AP5B1: variants seen among roughly 807,000 people sequenced by gnomAD.
The protein encoded by AP5B1 is adaptor related protein complex 5 subunit beta 1.
Under a neutral mutation model 5.7 loss-of-function variants are expected in AP5B1, and 3 were observed. The ratio of observed to expected loss-of-function variants is 0.53; its 90% CI spans 0.24 to 1.36. AP5B1 has a LOEUF of 1.36. Among genes scored for constraint, AP5B1 ranks in the 40% most tolerant of loss-of-function variants. The probability of loss-of-function intolerance (pLI) is 0.17; values close to 1 mark genes in which losing one functional copy is unlikely to be tolerated. For synonymous variants in AP5B1, 696 were observed against 555.5 expected (o/e 1.25, Z -3.56); for missense variants, 1,310 against 1,143.2 (o/e 1.15, Z -2.10).
At position 65,780,238 on chromosome 11, in the gene AP5B1, TAGG is replaced by T; in HGVS notation, c.252_254del (p.Leu85del). On this transcript the variant is annotated inframe_deletion, in exon 2 of 2. Coordinates refer to ENST00000532090, the MANE Select transcript of AP5B1 (RefSeq NM_138368.5). Reference sequence around the variant, plus strand: ...GACGGAGAGCTGAGGGCCGCGGGGGTAGGAGGACCAAGGTGTCCAACAGGGAGG... The same window carrying T: ...GACGGAGAGCTGAGGGCCGCGGGGGTAGGACCAAGGTGTCCAACAGGGAGG... 1 of 1,511,770 alleles carries T rather than the reference TAGG, an allele frequency of 6.6e-7. No homozygotes were observed. Among genetic ancestry groups the T allele is most frequent in the South Asian group, 1.3e-5 (1 of 77,694 alleles). The allele number at this position is 1,511,770 out of a possible 1,614,324, so 93.6% of individuals were successfully genotyped here.
Position 65,778,996 on chromosome 11 carries a change from C to G in AP5B1, c.1497G>C (p.Met499Ile). ...AGAGGTCCACAAAGTGGGGAGCCAG[C>G]ATGGGCCGGGCTTGGTACAGCTGGG... ...GLAQLYQARP[M>I]LAPHFVDLLD... The change falls in exon 2 of 2, where the codon ATG becomes ATC. Residue 499 changes from methionine to isoleucine, a missense_variant. Transcript: ENST00000532090. 4 of 1,611,548 alleles carry G rather than the reference C, an allele frequency of 2.5e-6. No individual in the cohort carries two copies. Among genetic ancestry groups the G allele is most frequent in the Admixed American group, 3.3e-5 (2 of 59,882 alleles).
At position 65,779,955 on chromosome 11, in the gene AP5B1, C is replaced by T; in HGVS notation, c.538G>A (p.Gly180Ser). 1.3e-6 allele frequency: 2 copies of T among 1,589,812 alleles called. No homozygotes were observed. Among genetic ancestry groups the T allele is most frequent in the African/African-American group, 1.3e-5 (1 of 74,346 alleles). Residue 180 changes from glycine to serine, a missense_variant, in exon 2 of 2, where the codon GGC (glycine) becomes AGC (serine). Gly to Ser is a moderately conservative substitution (Grantham distance 56). Transcript: ENST00000532090. Reference protein sequence around the residue: ...GLLRGLLGQEGPVQPLSLLLA... With the variant: ...GLLRGLLGQESPVQPLSLLLA... ...AACAGGCTGAGTGGCTGGACAGGGC[C>T]TTCCTGCCCCAGCAGGCCCCGCAGC...
Position 65,777,946 on chromosome 11 carries a change from T to G in AP5B1, c.2547A>C (p.Ala849=), listed in dbSNP as rs1284985435. The change falls in exon 2 of 2, where the codon GCA becomes GCC. Residue 849 remains alanine (A), a synonymous_variant. Coordinates refer to ENST00000532090, the MANE Select transcript of AP5B1 (RefSeq NM_138368.5). ...TCCGCAGGGCCACAGGCACTCCATC[T>G]GCCAGGGCCGCCTCCAGCCGCAGCA... The part of the protein sequence containing the change: ...KLLLRLEAAL[A]DGVPVALRTD... 1.3e-6 allele frequency: 2 copies of G among 1,577,324 alleles called. No homozygotes were observed. Among genetic ancestry groups the G allele is most frequent in the Admixed American group, 3.7e-5 (2 of 53,382 alleles).
At position 65,776,615 on chromosome 11, in the gene AP5B1, C is replaced by T. The variant is rs751604829; in HGVS notation, c.*1241G>A. On this transcript the variant is annotated 3_prime_UTR_variant, in exon 2 of 2. Coordinates refer to ENST00000532090, the MANE Select transcript of AP5B1 (RefSeq NM_138368.5). ...TAGTTCTTCTTACCTGGGAAGATTC[C>T]TAAGCACAAATTAGGTTTCTTAGGG... 31 of 152,320 alleles carry T rather than the reference C, an allele frequency of 2.0e-4. No homozygotes were observed. The highest frequency in any genetic ancestry group is 7.8e-4 in the Admixed American group (12 of 15,312). The allele number at this position is 152,320 out of a possible 1,614,324, so 9.4% of individuals were successfully genotyped here.
At position 65,778,980 on chromosome 11, in the gene AP5B1, C is replaced by G. The variant is rs1422552305; in HGVS notation, c.1513G>C (p.Val505Leu). The G allele has an allele frequency of 6.2e-7, 1 of 1,612,574 alleles. No homozygotes were observed. The change falls in exon 2 of 2, where the codon GTG becomes CTG. Residue 505 changes from valine (V) to leucine (L), a missense_variant. By Grantham distance (32) the Val-to-Leu change is conservative. Transcript: ENST00000532090. ...QARPMLAPHF[V>L]DLLDQVDSEL... ...GAGTCCACCTGATCCAAGAGGTCCA[C>G]AAAGTGGGGAGCCAGCATGGGCCGG...
chr11:65,780,380 T>C, intron 1 of AP5B1, 38 bp from the exon 2 acceptor site: 1 of 1,462,950 alleles, frequency 6.8e-7, no homozygotes, highest in Non-Finnish European at 9.0e-7. Flanking sequence ...GAAGATGAGG[T>C]TCATGACGCG....
chr11:65,779,244 G>T lies in AP5B1; in HGVS notation c.1249C>A (p.His417Asn), dbSNP rs762698353. 6.3e-7 allele frequency: 1 copy of T among 1,594,632 alleles called. No homozygotes were observed. Among genetic ancestry groups the T allele is most frequent in the African/African-American group, 1.3e-5 (1 of 74,540 alleles). Reference protein sequence around the residue: ...HDPMALLARLHLLCLLCAEEE... With the variant: ...HDPMALLARLNLLCLLCAEEE... Reference sequence around the variant, plus strand: ...TCGGCACAGAGCAGGCACAGTAAATGCAGGCGGGCCAGGAGGGCCATTGGG... The same window carrying T: ...TCGGCACAGAGCAGGCACAGTAAATTCAGGCGGGCCAGGAGGGCCATTGGG... The change falls in exon 2 of 2, where the codon CAT becomes AAT. Residue 417 changes from histidine (H) to asparagine (N), a missense_variant. Physicochemically the swap from His to Asn is moderately conservative, Grantham distance 68. Coordinates refer to ENST00000532090, the MANE Select transcript of AP5B1 (RefSeq NM_138368.5).
rs1394800047 is a variant in AP5B1 at position 65,780,075 on chromosome 11, C to G, written c.418G>C (p.Ala140Pro). 5 of 1,543,276 alleles carry G rather than the reference C, an allele frequency of 3.2e-6. No individual in the cohort carries two copies. The African/African-American group carries it at 6.9e-5, about 21-fold the overall frequency. The change falls in exon 2 of 2, where the codon GCC becomes CCC. Residue 140 changes from alanine (A) to proline (P), a missense_variant. Transcript: ENST00000532090. ...GSDLGRGFVP[A>P]SEQRPLQATA... Reference sequence around the variant, plus strand: ...GCCTGCAAGGGGCGCTGTTCCGAGGCGGGGACAAAGCCTCGCCCCAGATCG... The same window carrying G: ...GCCTGCAAGGGGCGCTGTTCCGAGGGGGGGACAAAGCCTCGCCCCAGATCG...
chr11:65,777,948 C>T lies in AP5B1; in HGVS notation c.2545G>A (p.Ala849Thr). The part of the protein sequence containing the change: ...KLLLRLEAAL[A>T]DGVPVALRTD... Reference sequence around the variant, plus strand: ...CGCAGGGCCACAGGCACTCCATCTGCCAGGGCCGCCTCCAGCCGCAGCAGC... The same window carrying T: ...CGCAGGGCCACAGGCACTCCATCTGTCAGGGCCGCCTCCAGCCGCAGCAGC... The change falls in exon 2 of 2, where the codon GCA becomes ACA. Residue 849 changes from alanine (A) to threonine (T), a missense_variant. Ala to Thr is a moderately conservative substitution (Grantham distance 58). Coordinates refer to ENST00000532090, the MANE Select transcript of AP5B1 (RefSeq NM_138368.5). The T allele has an allele frequency of 6.3e-7, 1 of 1,579,060 alleles. No individual in the cohort carries two copies. Among genetic ancestry groups the T allele is most frequent in the Non-Finnish European group, 8.6e-7 (1 of 1,163,752 alleles).
In AP5B1 at chr11:65,779,953, G is replaced by A; in HGVS notation, c.540C>T (p.Gly180=). The A allele has an allele frequency of 6.3e-7, 1 of 1,590,140 alleles. No homozygotes were observed. Among genetic ancestry groups the A allele is most frequent in the Non-Finnish European group, 8.6e-7 (1 of 1,168,526 alleles). Residue 180 remains glycine (G), a synonymous_variant, in exon 2 of 2, where the codon GGC becomes GGT. Coordinates refer to ENST00000532090, the MANE Select transcript of AP5B1 (RefSeq NM_138368.5). ...GLLRGLLGQE[G]PVQPLSLLLA... ...GCAACAGGCTGAGTGGCTGGACAGG[G>A]CCTTCCTGCCCCAGCAGGCCCCGCA...
chr11:65,778,412 T>C lies in AP5B1; in HGVS notation c.2081A>G (p.Glu694Gly). 1.3e-6 allele frequency: 2 copies of C among 1,588,312 alleles called. No homozygotes were observed. Among genetic ancestry groups the C allele is most frequent in the South Asian group, 1.1e-5 (1 of 88,956 alleles). ...CTGTCCTTCCACACGGAAGCGCAGCTCCAGAGAGTAGATGGGCTCCAGCGC... is the reference window on the plus strand; with the variant it reads ...CTGTCCTTCCACACGGAAGCGCAGCCCCAGAGAGTAGATGGGCTCCAGCGC... The part of the protein sequence containing the change: ...PEALEPIYSL[E>G]LRFRVEGQLY... The change falls in exon 2 of 2, where the codon GAG becomes GGG. Residue 694 changes from glutamate to glycine, a missense_variant. Transcript: ENST00000532090.
chr11:65,779,681 A>ACCGCAGC lies in AP5B1; in HGVS notation c.805_811dup (p.Val271GlyfsTer68). On this transcript the variant is annotated frameshift_variant, in exon 2 of 2. Coordinates refer to ENST00000532090, the MANE Select transcript of AP5B1 (RefSeq NM_138368.5). LOFTEE classifies it low-confidence loss of function (END_TRUNC). ...ATAGGAGGTGTCCAGAAGCTGGATC[A>ACCGCAGC]CCGCAGCCCGCAGCTCCCGCGCCTC... The ACCGCAGC allele has an allele frequency of 6.2e-7, 1 of 1,612,238 alleles. No individual in the cohort carries two copies. Among genetic ancestry groups the ACCGCAGC allele is most frequent in the Non-Finnish European group, 8.5e-7 (1 of 1,179,634 alleles).
At position 65,776,574 on chromosome 11, in the gene AP5B1, C is replaced by T. The variant is rs561773660; in HGVS notation, c.*1282G>A. 6.6e-6 allele frequency: 1 copy of T among 151,642 alleles called. No homozygotes were observed. The highest frequency in any genetic ancestry group is 1.5e-5 in the Non-Finnish European group (1 of 67,820). 9.4% of individuals were successfully genotyped at this position (151,642 alleles called of 1,614,324 possible). ...TGTTTGCATGTTTGGGAAAAAAAAA[C>T]AACAACTAGAGGAACTAGTTCTTCT... On this transcript the variant is annotated 3_prime_UTR_variant, in exon 2 of 2. Transcript: ENST00000532090.
rs777521915 is a variant in AP5B1 at position 65,779,772 on chromosome 11, TG to T, written c.720del (p.Ser241AlafsTer31). 3.8e-6 allele frequency: 6 copies of T among 1,585,018 alleles called. No homozygotes were observed. The highest frequency in any genetic ancestry group is 5.1e-6 in the Non-Finnish European group (6 of 1,165,464). ...TCTCCCTCCTCAGCTGCCGGCCAGC[TG>T]GGTGCCTGGGGCTGAAGGCGTCCAT... The part of the protein sequence containing the change: ...EGDGRLQPQA[P>X]SWPAAEEGEG... On this transcript the variant is annotated frameshift_variant, in exon 2 of 2. Transcript: ENST00000532090. LOFTEE classifies it low-confidence loss of function (END_TRUNC).
In AP5B1 at chr11:65,780,228, G is replaced by A; in HGVS notation, c.265C>T (p.Pro89Ser). 6.6e-7 allele frequency: 1 copy of A among 1,511,776 alleles called. No homozygotes were observed. Among genetic ancestry groups the A allele is most frequent in the South Asian group, 1.3e-5 (1 of 77,944 alleles). The allele number at this position is 1,511,776 out of a possible 1,614,324, so 93.6% of individuals were successfully genotyped here. A position where few individuals can be genotyped will look rare whatever the true frequency, so the allele number is the denominator to read the frequency against. Reference protein sequence around the residue: ...LDTLVLLPPRPSALRRPLLLA... With the variant: ...LDTLVLLPPRSSALRRPLLLA... ...AGCAGTGGCCGACGGAGAGCTGAGGGCCGCGGGGGTAGGAGGACCAAGGTG... is the reference window on the plus strand; with the variant it reads ...AGCAGTGGCCGACGGAGAGCTGAGGACCGCGGGGGTAGGAGGACCAAGGTG... Residue 89 changes from proline to serine, a missense_variant, in exon 2 of 2, where the codon CCC becomes TCC. Coordinates refer to ENST00000532090, the MANE Select transcript of AP5B1 (RefSeq NM_138368.5).
At position 65,775,486 on chromosome 11, in the gene AP5B1, G is replaced by A. The variant is rs150105292; in HGVS notation, c.*2370C>T. Among the ~76,000 whole-genome samples the A allele has an allele frequency of 2.2e-4, 33 of 152,316 alleles. No homozygotes were observed. Among genetic ancestry groups the A allele is most frequent in the African/African-American group, 6.5e-4 (27 of 41,572 alleles). ...ACAGGGCCAAGGAAGTTTGCTCTGC[G>A]GGCCCAGCCTTGGAGATGTTCAGTC... is the stretch of plus-strand genomic sequence containing the variant. On this transcript the variant is annotated 3_prime_UTR_variant, in exon 2 of 2. Transcript: ENST00000532090.
At position 65,779,020 on chromosome 11, in the gene AP5B1, G is replaced by A. The variant is rs761956697; in HGVS notation, c.1473C>T (p.Ala491=). ...TVLTPLIHGL[A]QLYQARPMLA... ...GCATGGGCCGGGCTTGGTACAGCTG[G>A]GCCAGTCCGTGGATCAAGGGGGTCA... The change falls in exon 2 of 2, where the codon GCC becomes GCT. Residue 491 remains alanine (A), a synonymous_variant. Coordinates refer to ENST00000532090, the MANE Select transcript of AP5B1 (RefSeq NM_138368.5). The A allele has an allele frequency of 1.2e-6, 2 of 1,608,956 alleles. No homozygotes were observed. Among genetic ancestry groups the A allele is most frequent in the South Asian group, 2.2e-5 (2 of 90,496 alleles).
rs371620320 is a variant in AP5B1, at chr11:65,778,659, C to T, written c.1834G>A (p.Ala612Thr). The T allele has an allele frequency of 4.2e-5, 66 of 1,562,700 alleles. No homozygotes were observed. In the Middle Eastern group the frequency reaches 7.1e-4, roughly 17 times the overall value. The stretch of plus-strand genomic sequence containing the variant: ...GCCAGCAGGATGTAGTAGAGGCGGG[C>T]GTGGTCACGCCCATCAGGGTCCTCC... ...QLEDPDGRDH[A>T]RLYYILLAHL... Residue 612 changes from alanine to threonine, a missense_variant, in exon 2 of 2, where the codon GCC becomes ACC. By Grantham distance (58) the Ala-to-Thr change is moderately conservative. Coordinates refer to ENST00000532090, the MANE Select transcript of AP5B1 (RefSeq NM_138368.5).
Position 65,778,299 on chromosome 11 carries a change from A to G in AP5B1, c.2194T>C (p.Cys732Arg), listed in dbSNP as rs938315989. The change falls in exon 2 of 2, where the codon TGC becomes CGC. Residue 732 changes from cysteine (C) to arginine (R), a missense_variant. By Grantham distance (180) the Cys-to-Arg change is radical. Coordinates refer to ENST00000532090, the MANE Select transcript of AP5B1 (RefSeq NM_138368.5). Reference protein sequence around the residue: ...RPLLLPLQPRCPAPARLDVHA... With the variant: ...RPLLLPLQPRRPAPARLDVHA... The stretch of plus-strand genomic sequence containing the variant: ...ACATCCAGCCGTGCGGGGGCCGGGC[A>G]TCGGGGCTGCAGAGGCAGGAGCAGA... 2 of 1,612,806 alleles carry G rather than the reference A, an allele frequency of 1.2e-6. No individual in the cohort carries two copies. Among genetic ancestry groups the G allele is most frequent in the Non-Finnish European group, 1.7e-6 (2 of 1,179,862 alleles).
Sources: gnomAD v4.1 joint callset for allele counts (sites outside exome capture counted in the v4.1 genomes callset) on GRCh38, gnomAD v4.1.1 for gene constraint, MANE v1.5 for transcripts, NCBI Gene and HGNC (gene_info 2026-07-23, HGNC 2026-07-21) for gene names.